Variants in JAZF1 observed in about 807,000 individuals in gnomAD.
The protein encoded by JAZF1 is juxtaposed with another zinc finger protein 1.
Under a neutral mutation model 26.4 loss-of-function variants are expected in JAZF1, and 8 were observed. The observed-to-expected ratio is 0.30, with a 90% CI of 0.18 to 0.55. The LOEUF (loss-of-function observed/expected upper bound fraction) is 0.55. JAZF1 is among the 20% of genes least tolerant of loss of function. The probability of loss-of-function intolerance (pLI) is 0.94; values close to 1 mark genes in which losing one functional copy is unlikely to be tolerated. For missense variants in JAZF1, 199 were observed against 322.0 expected, an observed-to-expected ratio of 0.62 and a Z score of 2.92; for synonymous variants, 126 against 122.3, an observed-to-expected ratio of 1.03 and a Z score of -0.20.
intron 1 of JAZF1, among the ~76,000 whole-genome samples, chr7:28,064,065 G>A (rs1783840818): frequency 6.6e-6 from 1 of 151,824 alleles, no homozygotes; most frequent in African/African-American, 2.4e-5. Flanking sequence ...AACAGTGATA[G>A]GTAACTGCCA....
In JAZF1 at chr7:27,840,606, C is replaced by A. The variant is rs975998322; in HGVS notation, c.555+92G>T. 4.3e-5 allele frequency: 57 copies of A among 1,330,764 alleles called. No individual in the cohort carries two copies. The highest frequency in any genetic ancestry group is 1.9e-4 in the Middle Eastern group (1 of 5,310). 82.4% of individuals were successfully genotyped at this position (1,330,764 alleles called of 1,614,324 possible). ...GGGGAGTGTCTCCCCCCAGCCCATACGCTCGCTTTAAAATCAAGAAAGGGC... is the reference window on the plus strand; with the variant it reads ...GGGGAGTGTCTCCCCCCAGCCCATAAGCTCGCTTTAAAATCAAGAAAGGGC... On this transcript the variant is annotated intron_variant, in intron 4 of 4. Transcript: ENST00000283928. The surrounding 1 kb of genome is among the most constrained non-coding windows in gnomAD (Gnocchi z 5.1).
At chr7:27,845,148 G>GA (rs895483321) in intron 3 of JAZF1, among the ~76,000 whole-genome samples, 6 of 152,172 alleles carry the variant, frequency 3.9e-5, no homozygotes, top group Admixed American at 6.5e-5. Flanking sequence ...AAAGAGAGGG[G>GA]AAAAAACAAC....
chr7:27,923,040 G>A (rs113123891), intron 2 of JAZF1, among the ~76,000 whole-genome samples: 5,958 of 152,338 alleles, frequency 0.039, 157 homozygotes, highest in Middle Eastern at 0.061. Flanking sequence ...CCGTGGTCTG[G>A]AGGCAAGAAC....
At chr7:28,112,031 T>C (rs937657060) in intron 1 of JAZF1, among the ~76,000 whole-genome samples, 1 of 152,246 alleles carries the variant, frequency 6.6e-6, no homozygotes, top group Non-Finnish European at 1.5e-5. Context: ...ACTTTGCTTT[T>C]GTTTCCAGAG....
chr7:27,835,987 C>T (rs1407568913), intron 4 of JAZF1, among the ~76,000 whole-genome samples: 2 of 152,146 alleles, frequency 1.3e-5, no homozygotes, highest in African/African-American at 2.4e-5. Flanking sequence ...TTATTTAATA[C>T]TCATGTTCTG....
At chr7:27,845,696 C>CAAAAAAAAAAA (rs796643520) in intron 3 of JAZF1, among the ~76,000 whole-genome samples, 1 of 51,080 alleles carries the variant, frequency 2.0e-5, no homozygotes, top group Non-Finnish European at 3.8e-5. Flanking sequence ...GACTCTGCCT[C>CAAAAAAAAAAA]AAAAAAAAAA....
chr7:27,853,221 C>G (rs929076731), intron 3 of JAZF1, among the ~76,000 whole-genome samples: 3 of 152,158 alleles, frequency 2.0e-5, no homozygotes, highest in Non-Finnish European at 4.4e-5. Flanking sequence ...CTGCACCTTC[C>G]CTCCTCCCAG....
chr7:28,082,868 C>G (rs1339614666), intron 1 of JAZF1, among the ~76,000 whole-genome samples: 1 of 152,180 alleles, frequency 6.6e-6, no homozygotes, highest in Non-Finnish European at 1.5e-5. Flanking sequence ...GCCAGCTTCT[C>G]AAATGCTGAC....
At chr7:28,037,494 G>C (rs796988767) in intron 1 of JAZF1, among the ~76,000 whole-genome samples, 3 of 152,340 alleles carry the variant, frequency 2.0e-5, no homozygotes, top group African/African-American at 7.2e-5. Flanking sequence ...GATAAAAGTG[G>C]AAGAGGTGAG....
intron 3 of JAZF1, among the ~76,000 whole-genome samples, chr7:27,845,940 G>C (rs1005566561): frequency 2.0e-5 from 3 of 151,920 alleles, no homozygotes; most frequent in Non-Finnish European, 4.4e-5. Flanking sequence ...GATGCTTCAA[G>C]GGAAAGGGAC....
chr7:27,922,151 T>A (rs1784539410), intron 2 of JAZF1, among the ~76,000 whole-genome samples: 1 of 152,214 alleles, frequency 6.6e-6, no homozygotes, highest in African/African-American at 2.4e-5. Context: ...AAGATAAAAA[T>A]GAGGAAGTGC....
intron 1 of JAZF1, among the ~76,000 whole-genome samples, chr7:28,064,071 T>C (rs1010847993): frequency 6.6e-6 from 1 of 152,036 alleles, no homozygotes; most frequent in African/African-American, 2.4e-5. Context: ...GATAGGTAAC[T>C]GCCAAGAGTT....
intron 1 of JAZF1, among the ~76,000 whole-genome samples, chr7:28,092,323 A>AAAAAAAAAAAAT (rs1784314845): frequency 7.4e-6 from 1 of 136,024 alleles, no homozygotes; most frequent in Non-Finnish European, 1.6e-5. Flanking sequence ...AAAAAAAAAA[A>AAAAAAAAAAAAT]AAACAACTAA....
In JAZF1 at chr7:27,880,068, G is replaced by A. The variant is rs1422026003; in HGVS notation, c.385+15152C>T. Among the ~76,000 whole-genome samples the A allele has an allele frequency of 4.6e-5, 7 of 152,286 alleles. No individual in the cohort carries two copies. In the South Asian group the frequency reaches 6.2e-4, roughly 14 times the overall value. ...ACCACGAAGATGGAGCTACTTTCAA[G>A]TTTATATATAGCATAATTCATTTTC... On this transcript the variant is annotated intron_variant, in intron 3 of 4. Transcript: ENST00000283928.
chr7:27,970,165 C>G (rs1785351197), intron 2 of JAZF1, among the ~76,000 whole-genome samples: 1 of 152,320 alleles, frequency 6.6e-6, no homozygotes, highest in Admixed American at 6.5e-5. Context: ...GTTTTCATTA[C>G]TGCTTCTGCT....
chr7:28,174,509 G>A (rs934101282), intron 1 of JAZF1, among the ~76,000 whole-genome samples: 1 of 152,158 alleles, frequency 6.6e-6, no homozygotes. Context: ...AGATATCTCC[G>A]AAATATATGA....
At chr7:27,930,690 T>C (rs958993476) in intron 2 of JAZF1, among the ~76,000 whole-genome samples, 1 of 152,220 alleles carries the variant, frequency 6.6e-6, no homozygotes, top group African/African-American at 2.4e-5. Context: ...TCATAAAAAC[T>C]CAAAATTGTA....
chr7:28,085,356 A>C (rs1004330709), intron 1 of JAZF1, among the ~76,000 whole-genome samples: 8 of 152,352 alleles, frequency 5.3e-5, no homozygotes, highest in African/African-American at 1.4e-4. Flanking sequence ...TGCTCTAACT[A>C]TACAGTATTT....
chr7:27,911,812 C>G (rs1420936495), intron 2 of JAZF1, among the ~76,000 whole-genome samples: 1 of 150,220 alleles, frequency 6.7e-6, no homozygotes, highest in Non-Finnish European at 1.5e-5. Flanking sequence ...GAAAAGGAGG[C>G]AAAGGTTGAG....
Sources: gnomAD v4.1 joint callset for allele counts (sites outside exome capture counted in the v4.1 genomes callset) on GRCh38, gnomAD v4.1.1 for gene constraint, Gnocchi (gnomAD v3.1) non-coding constraint, MANE v1.5 for transcripts, NCBI Gene and HGNC (gene_info 2026-07-23, HGNC 2026-07-21) for gene names.